PEAK1: variants seen among roughly 807,000 people sequenced by gnomAD.
PEAK1 encodes inactive tyrosine-protein kinase PEAK1.
Under a neutral mutation model 124.7 loss-of-function variants are expected in PEAK1, and 54 were observed. That is an observed-to-expected ratio of 0.43 (90% CI 0.35 to 0.54). The LOEUF (loss-of-function observed/expected upper bound fraction) is 0.54, where lower values mean the gene tolerates loss of function less well. PEAK1 is among the 20% of genes least tolerant of loss of function. The pLI, the probability that PEAK1 is intolerant of heterozygous loss-of-function variation, is 0.01. For synonymous variants in PEAK1, 719 were observed against 760.0 expected, an observed-to-expected ratio of 0.95 and a Z score of 0.89; for missense variants, 2,046 against 2,134.5, an observed-to-expected ratio of 0.96 and a Z score of 0.82.
chr15:77,348,327 A>T (rs1163211078), intron 2 of PEAK1: 16 of 875,738 alleles, frequency 1.8e-5, no homozygotes, highest in Non-Finnish European at 1.9e-5. Context: ...CTCTTACAAG[A>T]TTGATAGGAA....
chr15:77,138,815 TCATAC>T (rs2053542462), intron 8 of PEAK1, among the ~76,000 whole-genome samples: 1 of 147,598 alleles, frequency 6.8e-6, no homozygotes, highest in Non-Finnish European at 1.5e-5. Flanking sequence ...TGAGCTGAGA[TCATAC>T]CACTGCACTC....
intron 7 of PEAK1, among the ~76,000 whole-genome samples, chr15:77,173,627 C>T (rs1436085578): frequency 6.6e-6 from 1 of 152,178 alleles, no homozygotes; most frequent in Non-Finnish European, 1.5e-5. Flanking sequence ...CCCCACCTCA[C>T]CCAAAAGCCT....
chr15:77,340,602 A>G (rs1195586611), intron 2 of PEAK1, among the ~76,000 whole-genome samples: 1 of 152,322 alleles, frequency 6.6e-6, no homozygotes, highest in South Asian at 2.1e-4. Flanking sequence ...GAAACTATAC[A>G]ATATAAAGAG....
rs1482226737 is a variant in PEAK1, at chr15:77,313,648, ATGTATGTGTG to A, written c.-602-27154_-602-27145del. 5.5e-3 allele frequency among the ~76,000 whole-genome samples: 478 copies of A among 87,542 alleles called. 3 individuals carry two copies. Among genetic ancestry groups the A allele is most frequent in the African/African-American group, 0.017 (406 of 23,448 alleles). The allele number at this position is 87,542 out of a possible 152,430, so 57.4% of individuals were successfully genotyped here. On this transcript the variant is annotated intron_variant, in intron 2 of 9. Transcript: ENST00000682557. ...TGCCCAGTAATGTATGTATGTATGTATGTATGTGTGTGTGTGTGTGTGTGTGTGTGTGTGT... is the reference window on the plus strand; with the variant it reads ...TGCCCAGTAATGTATGTATGTATGTATGTGTGTGTGTGTGTGTGTGTGTGT...
In PEAK1 at chr15:77,180,822, A is replaced by G. The variant is rs1469985355; in HGVS notation, c.1105T>C (p.Leu369=). 1.2e-6 allele frequency: 2 copies of G among 1,613,876 alleles called. No homozygotes were observed. Among genetic ancestry groups the G allele is most frequent in the African/African-American group, 2.7e-5 (2 of 74,922 alleles). The change falls in exon 7 of 10, where the codon TTA becomes CTA. Residue 369 remains leucine (L), a synonymous_variant. Coordinates refer to ENST00000682557, the MANE Select transcript of PEAK1 (RefSeq NM_001385026.1). ...SLSQKICNGG[L]SPGNPGDSKD... ...GAATCTCCTGGGTTACCAGGAGATA[A>G]TCCCCCATTACAAATCTTCTGGGAT...
chr15:77,181,073 A>T lies in PEAK1; in HGVS notation c.854T>A (p.Phe285Tyr), dbSNP rs752092630. 11 of 1,614,228 alleles carry T rather than the reference A, an allele frequency of 6.8e-6. No individual in the cohort carries two copies. Among genetic ancestry groups the T allele is most frequent in the South Asian group, 1.1e-5 (1 of 91,088 alleles). The change falls in exon 7 of 10, where the codon TTC (phenylalanine) becomes TAC (tyrosine). Residue 285 changes from phenylalanine (F) to tyrosine (Y), a missense_variant. Coordinates refer to ENST00000682557, the MANE Select transcript of PEAK1 (RefSeq NM_001385026.1). ...GGTATTCCATTTTTTGTCCACAAAG[A>T]ATCGAACAGGAGACAATGTGTTTGC... ...FRANTLSPVR[F>Y]FVDKKWNTIP...
At chr15:77,203,187 A>G (rs2058455502) in intron 6 of PEAK1, among the ~76,000 whole-genome samples, 1 of 152,080 alleles carries the variant, frequency 6.6e-6, no homozygotes, top group Non-Finnish European at 1.5e-5. Flanking sequence ...TGGTGTCTGA[A>G]GAGTGGCACA....
intron 6 of PEAK1, chr15:77,239,938 T>A (rs1367249784): frequency 1.1e-5 from 7 of 646,786 alleles, no homozygotes; most frequent in African/African-American, 5.9e-5. Context: ...TTGTATTTTT[T>A]AAAATACTAT....
At chr15:77,379,926 T>C (rs893114981) in intron 1 of PEAK1, among the ~76,000 whole-genome samples, 1 of 152,210 alleles carries the variant, frequency 6.6e-6, no homozygotes, top group African/African-American at 2.4e-5. Context: ...ACTCCAAACC[T>C]ACCCTAACCA....
chr15:77,335,399 G>A (rs895264771), intron 2 of PEAK1: 2 of 985,260 alleles, frequency 2.0e-6, no homozygotes, highest in Middle Eastern at 1.0e-3. Flanking sequence ...AAATTTAGAT[G>A]GGTGAAGATA....
chr15:77,165,685 G>A (rs997060778), intron 7 of PEAK1, among the ~76,000 whole-genome samples: 10 of 152,174 alleles, frequency 6.6e-5, no homozygotes, highest in African/African-American at 2.4e-4. Context: ...CCGAGGAAAT[G>A]GATGTAGGGC....
chr15:77,254,110 G>A (rs1873453844), intron 5 of PEAK1, among the ~76,000 whole-genome samples: 1 of 152,110 alleles, frequency 6.6e-6, no homozygotes, highest in South Asian at 2.1e-4. Flanking sequence ...GTGAGCCACT[G>A]CGCCTGGCCT....
At chr15:77,118,024 A>G (rs755455000) in intron 9 of PEAK1, among the ~76,000 whole-genome samples, 23 of 152,234 alleles carry the variant, frequency 1.5e-4, no homozygotes, top group South Asian at 1.0e-3. Flanking sequence ...TACGAAGAAG[A>G]AATGATAAAT....
At chr15:77,339,504 A>G (rs1179622141) in intron 2 of PEAK1, among the ~76,000 whole-genome samples, 2 of 152,224 alleles carry the variant, frequency 1.3e-5, no homozygotes, top group Non-Finnish European at 2.9e-5. Flanking sequence ...AAATTCATAC[A>G]TAATTAACTC....
chr15:77,202,314 T>C (rs2058400120), intron 6 of PEAK1, among the ~76,000 whole-genome samples: 1 of 152,170 alleles, frequency 6.6e-6, no homozygotes, highest in African/African-American at 2.4e-5. Flanking sequence ...CATATAACTT[T>C]TGACTACCAC....
chr15:77,346,302 T>C (rs1268356748), intron 2 of PEAK1: 5 of 953,110 alleles, frequency 5.2e-6, no homozygotes, highest in Non-Finnish European at 5.0e-6. Context: ...CAGCAGGTCA[T>C]TATTTTGTTC....
intron 5 of PEAK1, among the ~76,000 whole-genome samples, chr15:77,268,091 T>C (rs909856214): frequency 4.6e-5 from 7 of 152,164 alleles, no homozygotes; most frequent in Non-Finnish European, 1.0e-4. Flanking sequence ...GAAATAGAAC[T>C]GAACAAGTAG....
chr15:77,107,295 CCCTT>C (rs2050765636), downstream of PEAK1: 1 of 152,290 alleles, frequency 6.6e-6, no homozygotes, highest in South Asian at 2.1e-4. Flanking sequence ...TTGCTGTTGA[CCCTT>C]CCTCCTGGGC....
chr15:77,376,001 AAATAAATAAAT>A (rs1345034590), intron 1 of PEAK1, among the ~76,000 whole-genome samples: 1 of 23,146 alleles, frequency 4.3e-5, no homozygotes, highest in Non-Finnish European at 9.5e-5. Context: ...TCCGTCTCAA[AAATAAATAAAT>A]AAATAAATAA....
Sources: allele counts gnomAD v4.1 joint callset (sites outside exome capture counted in the v4.1 genomes callset), GRCh38; gene constraint gnomAD v4.1.1; transcripts MANE v1.5; gene names NCBI Gene and HGNC (gene_info 2026-07-23, HGNC 2026-07-21).